The following BRI3 variants were observed in gnomAD, a reference collection of about 807,000 sequenced individuals.
BRI3 encodes membrane protein BRI3.
In BRI3, 6 loss-of-function variants were observed where a neutral mutation model predicts 12.8. That is an observed-to-expected ratio of 0.47 (90% CI 0.26 to 0.93). The LOEUF (loss-of-function observed/expected upper bound fraction) is 0.93. BRI3 is among the 40% of genes least tolerant of loss of function. BRI3 has a pLI of 0.15. For missense variants in BRI3, 134 were observed against 171.1 expected, an observed-to-expected ratio of 0.78 and a Z score of 1.21; for synonymous variants, 91 against 76.1, an observed-to-expected ratio of 1.20 and a Z score of -1.02.
At chr7:98,306,250 C>T (rs1219847244), upstream of BRI3, among the ~76,000 whole-genome samples, 1 of 152,140 alleles carries the variant, frequency 6.6e-6, no homozygotes, top group Non-Finnish European at 1.5e-5. Context: ...GGTCTCCTCA[C>T]AGCAGCAAAG....
chr7:98,304,133 T>C (rs905125092), upstream of BRI3: 4 of 1,466,874 alleles, frequency 2.7e-6, no homozygotes, highest in South Asian at 1.4e-5. Context: ...CCACAGGACC[T>C]GCGCCTCCCA....
downstream of BRI3, among the ~76,000 whole-genome samples, chr7:98,313,982 CTTTTTTTTTTTT>C (rs35599338): frequency 9.9e-6 from 1 of 100,974 alleles, no homozygotes; most frequent in African/African-American, 3.7e-5. Context: ...CTTTTTCTTC[CTTTTTTTTTTTT>C]TTTTTTTTTG....
At chr7:98,294,367 C>G (rs747280967), downstream of BRI3, among the ~76,000 whole-genome samples, 1 of 152,138 alleles carries the variant, frequency 6.6e-6, no homozygotes, top group African/African-American at 2.4e-5. Context: ...GTGCCCTGTC[C>G]CAATCTGTTA....
At chr7:98,283,830 C>T (rs757288342) in intron 2 of BRI3, among the ~76,000 whole-genome samples, 5 of 152,214 alleles carry the variant, frequency 3.3e-5, no homozygotes, top group Non-Finnish European at 5.9e-5. Flanking sequence ...TAGCTCTTCT[C>T]TGCCCAAACC....
rs114925056 is a variant in BRI3, at chr7:98,287,809, T to C, written c.246-3302T>C. Among the ~76,000 whole-genome samples, 896 of 152,330 alleles carry C rather than the reference T, an allele frequency of 5.9e-3. 18 individuals are homozygous for C. The highest frequency in any genetic ancestry group is 0.02 in the African/African-American group (842 of 41,590). On this transcript the variant is annotated intron_variant, in intron 2 of 2. Coordinates refer to ENST00000297290, the MANE Select transcript of BRI3 (RefSeq NM_015379.5). ...AGGCAGCACTGTGAAGCCCCACCCC[T>C]GCCCATTGCACCATCACACCTGGAT...
downstream of BRI3, among the ~76,000 whole-genome samples, chr7:98,296,437 C>G (rs980556762): frequency 2.6e-5 from 4 of 152,070 alleles, no homozygotes; most frequent in African/African-American, 9.7e-5. Context: ...ACCAGCCTGA[C>G]CAACATGGAG....
chr7:98,288,393 G>A (rs1562958011), intron 2 of BRI3, among the ~76,000 whole-genome samples: 1 of 152,084 alleles, frequency 6.6e-6, no homozygotes, highest in Non-Finnish European at 1.5e-5. Flanking sequence ...GCTGGGCGGA[G>A]GTGTCCTGCC....
chr7:98,300,984 A>G (rs1289166143), intron 1 of BRI3, among the ~76,000 whole-genome samples: 3 of 152,078 alleles, frequency 2.0e-5, no homozygotes, highest in Non-Finnish European at 4.4e-5. Flanking sequence ...CACCCCATGC[A>G]TCGAGCGCTC....
upstream of BRI3, among the ~76,000 whole-genome samples, chr7:98,303,686 C>T (rs1204579980): frequency 1.3e-5 from 2 of 152,210 alleles, no homozygotes; most frequent in East Asian, 3.9e-4. Flanking sequence ...CCATGCTGGG[C>T]CCCCAGAGGC....
chr7:98,306,970 T>A (rs1427636393), intron 1 of BRI3: 1 of 162,714 alleles, frequency 6.1e-6, no homozygotes, highest in Admixed American at 5.8e-5. Context: ...ACAATCTGTC[T>A]AGAAAACTGA....
chr7:98,295,935 A>G (rs1800170024), downstream of BRI3, among the ~76,000 whole-genome samples: 2 of 152,084 alleles, frequency 1.3e-5, no homozygotes. Context: ...TGTTGGGCCA[A>G]CCCCGTGCAC....
At position 98,281,895 on chromosome 7, in the gene BRI3, C is replaced by A; in HGVS notation, c.100C>A (p.Pro34Thr). ...ACGPHGYGAI[P>T]AAPPPPPYPY... The stretch of plus-strand genomic sequence containing the variant: ...CGGCCCGCACGGCTACGGCGCCATC[C>A]CCGCCGCGCCCCCGCCGCCGCCCTA... The change falls in exon 1 of 3, where the codon CCC becomes ACC. Residue 34 changes from proline (P) to threonine (T), a missense_variant. Transcript: ENST00000297290. 7.7e-7 allele frequency: 1 copy of A among 1,300,832 alleles called. No individual in the cohort carries two copies. Among genetic ancestry groups the A allele is most frequent in the Non-Finnish European group, 9.8e-7 (1 of 1,024,380 alleles). The allele number at this position is 1,300,832 out of a possible 1,614,324, so 80.6% of individuals were successfully genotyped here.
downstream of BRI3, chr7:98,292,689 G>C: frequency 3.2e-6 from 5 of 1,551,614 alleles, no homozygotes; most frequent in Non-Finnish European, 3.5e-6. Context: ...GTCTGTACCT[G>C]ATTCAAACAC....
At chr7:98,294,110 T>A, downstream of BRI3, 1 of 1,614,072 alleles carries the variant, frequency 6.2e-7, no homozygotes, top group South Asian at 1.1e-5. Context: ...GTTGGCATCG[T>A]TCTGTGAGAA....
downstream of BRI3, chr7:98,293,237 A>ATTTTTG: frequency 2.8e-6 from 1 of 355,506 alleles, no homozygotes; most frequent in Non-Finnish European, 5.1e-6. Context: ...CATTTAAAAA[A>ATTTTTG]TACAGTAAAG....
At chr7:98,316,087 C>T in the BRI3 span, among the ~76,000 whole-genome samples, 1 of 152,124 alleles carries the variant, frequency 6.6e-6, no homozygotes, top group South Asian at 2.1e-4. Flanking sequence ...GCAGGTCTTT[C>T]CCATGCCATT....
In BRI3 at chr7:98,291,348, C is replaced by T. The variant is rs1056057547; in HGVS notation, c.*105C>T. ...TAAGCTTCAGGACTGTTTTGTAAAG[C>T]GAGGTGGGACCGATGTGGCACACGC... On this transcript the variant is annotated 3_prime_UTR_variant, in exon 3 of 3. Transcript: ENST00000297290. 35 of 1,536,884 alleles carry T rather than the reference C, an allele frequency of 2.3e-5. 1 individual carries two copies. In the Middle Eastern group the frequency reaches 7.2e-4, roughly 32 times the overall value.
the BRI3 span, chr7:98,317,101 C>T: frequency 2.3e-6 from 3 of 1,295,066 alleles, no homozygotes; most frequent in Non-Finnish European, 2.2e-6. Flanking sequence ...GATCCTACTG[C>T]CTCGGCCTCC....
intron 2 of BRI3, among the ~76,000 whole-genome samples, chr7:98,288,924 T>C (rs1190846316): frequency 6.6e-6 from 1 of 151,804 alleles, no homozygotes; most frequent in Non-Finnish European, 1.5e-5. Context: ...CCTCCCTGAG[T>C]AGGCTAGAGG....
Sources: allele counts gnomAD v4.1 joint callset (sites outside exome capture counted in the v4.1 genomes callset), GRCh38; gene constraint gnomAD v4.1.1; transcripts MANE v1.5; gene names NCBI Gene and HGNC (gene_info 2026-07-23, HGNC 2026-07-21).